The following ZNF804B variants were observed in gnomAD, a reference collection of about 807,000 sequenced individuals.
The protein encoded by ZNF804B is zinc finger 804B.
In ZNF804B, 80 loss-of-function variants were observed where a neutral mutation model predicts 101.4. The observed-to-expected ratio is 0.79, with a 90% CI of 0.66 to 0.95. The LOEUF (loss-of-function observed/expected upper bound fraction) is 0.95, where lower values mean the gene tolerates loss of function less well. ZNF804B is among the 40% of genes least tolerant of loss of function. The pLI, the probability that ZNF804B is intolerant of heterozygous loss-of-function variation, is 0.00. For synonymous variants in ZNF804B, 622 were observed against 558.8 expected, an observed-to-expected ratio of 1.11 and a Z score of -1.59; for missense variants, 1,673 against 1,561.9, an observed-to-expected ratio of 1.07 and a Z score of -1.20.
chr7:88,932,968 C>T (rs752877710), intron 1 of ZNF804B, among the ~76,000 whole-genome samples: 1 of 151,662 alleles, frequency 6.6e-6, no homozygotes, highest in Non-Finnish European at 1.5e-5. Context: ...CACCCTAATA[C>T]CAAAACCATG....
intron 1 of ZNF804B, among the ~76,000 whole-genome samples, chr7:88,839,558 G>T (rs1791266391): frequency 6.6e-6 from 1 of 151,886 alleles, no homozygotes; most frequent in Non-Finnish European, 1.5e-5. Context: ...TTAGCTTCAA[G>T]AAATTGAAAT....
chr7:89,066,538 A>T (rs1789457140), intron 1 of ZNF804B, among the ~76,000 whole-genome samples: 1 of 152,106 alleles, frequency 6.6e-6, no homozygotes, highest in Non-Finnish European at 1.5e-5. Context: ...GCCTGGCCAA[A>T]ATTATCCTTA....
chr7:89,231,873 C>G (rs1373024814), intron 2 of ZNF804B, among the ~76,000 whole-genome samples: 2 of 152,050 alleles, frequency 1.3e-5, no homozygotes, highest in African/African-American at 4.8e-5. Context: ...AACATGTCAT[C>G]TACAAATAAA....
chr7:88,820,890 G>A (rs1790967556), intron 1 of ZNF804B, among the ~76,000 whole-genome samples: 1 of 152,128 alleles, frequency 6.6e-6, no homozygotes, highest in Non-Finnish European at 1.5e-5. Flanking sequence ...GAAGGGAGGG[G>A]AGAAAAGACT....
chr7:88,808,610 A>G (rs899249923), intron 1 of ZNF804B, among the ~76,000 whole-genome samples: 2 of 152,152 alleles, frequency 1.3e-5, no homozygotes, highest in Non-Finnish European at 2.9e-5. Context: ...TGGATATACA[A>G]ATATTTGTCA....
At position 89,334,899 on chromosome 7, in the gene ZNF804B, G is replaced by T. The variant is rs775023872; in HGVS notation, c.1917G>T (p.Leu639Phe). The stretch of plus-strand genomic sequence containing the variant: ...TCTCTAGGTTTAAAAAGCATAAATT[G>T]ATTCCCTGCAGTCCTCATTTGGAAT... ...SYISRFKKHK[L>F]IPCSPHLEFE... The change falls in exon 4 of 4, where the codon TTG becomes TTT. Residue 639 changes from leucine (L) to phenylalanine (F), a missense_variant. Coordinates refer to ENST00000333190, the MANE Select transcript of ZNF804B (RefSeq NM_181646.5). 2 of 1,613,784 alleles carry T rather than the reference G, an allele frequency of 1.2e-6. No individual in the cohort carries two copies. Among genetic ancestry groups the T allele is most frequent in the Non-Finnish European group, 1.7e-6 (2 of 1,179,870 alleles).
intron 2 of ZNF804B, among the ~76,000 whole-genome samples, chr7:89,321,909 A>G (rs1230108683): frequency 6.6e-6 from 1 of 152,204 alleles, no homozygotes; most frequent in Non-Finnish European, 1.5e-5. Context: ...GACAGTACTA[A>G]TATCAGACAA....
At chr7:89,288,139 C>A (rs1178637142) in intron 2 of ZNF804B, among the ~76,000 whole-genome samples, 2 of 151,624 alleles carry the variant, frequency 1.3e-5, no homozygotes, top group Non-Finnish European at 2.9e-5. Context: ...TGAGTAAAAT[C>A]TATGTATGAA....
Position 89,335,892 on chromosome 7 carries a change from A to C in ZNF804B, c.2910A>C (p.Ser970=). 6.2e-7 allele frequency: 1 copy of C among 1,614,126 alleles called. No individual in the cohort carries two copies. Among genetic ancestry groups the C allele is most frequent in the Non-Finnish European group, 8.5e-7 (1 of 1,179,986 alleles). ...QVPCTIQLAP[S]GCNRQALPLS... is the part of the protein sequence containing the mutation. ...CATGCACAATTCAACTTGCACCATCAGGCTGTAACAGACAAGCATTGCCTT... is the reference window on the plus strand; with the variant it reads ...CATGCACAATTCAACTTGCACCATCCGGCTGTAACAGACAAGCATTGCCTT... The change falls in exon 4 of 4, where the codon TCA becomes TCC. Residue 970 remains serine (S), a synonymous_variant. Transcript: ENST00000333190.
chr7:89,288,429 C>G (rs942326330), intron 2 of ZNF804B, among the ~76,000 whole-genome samples: 8 of 152,010 alleles, frequency 5.3e-5, no homozygotes, highest in African/African-American at 1.9e-4. Flanking sequence ...ACCATCAAAA[C>G]AATAAATACA....
intron 1 of ZNF804B, among the ~76,000 whole-genome samples, chr7:88,855,829 C>T (rs1440221290): frequency 6.6e-6 from 1 of 152,164 alleles, no homozygotes; most frequent in Non-Finnish European, 1.5e-5. Flanking sequence ...ATATGGCTAG[C>T]CAGTTTTCCC....
chr7:88,968,892 G>C (rs576942748), intron 1 of ZNF804B, among the ~76,000 whole-genome samples: 1 of 151,420 alleles, frequency 6.6e-6, no homozygotes, highest in Non-Finnish European at 1.5e-5. Context: ...TCTTGGACAC[G>C]TATCTTTTCT....
intron 1 of ZNF804B, among the ~76,000 whole-genome samples, chr7:89,093,621 T>C (rs910780687): frequency 6.6e-6 from 1 of 152,242 alleles, no homozygotes; most frequent in African/African-American, 2.4e-5. Flanking sequence ...CATTGCCCTG[T>C]TTGTACGATT....
intron 1 of ZNF804B, among the ~76,000 whole-genome samples, chr7:89,115,661 T>C (rs79010799): frequency 0.018 from 2,790 of 152,314 alleles, 91 homozygotes; most frequent in African/African-American, 0.064. Context: ...TCTCTATGTA[T>C]ACTTCACCTT....
chr7:89,273,966 T>A, intron 2 of ZNF804B, among the ~76,000 whole-genome samples: 1 of 152,034 alleles, frequency 6.6e-6, no homozygotes, highest in African/African-American at 2.4e-5. Context: ...ACATTCTGCT[T>A]TTTCTGTTTC....
At chr7:89,017,245 A>G (rs895582977) in intron 1 of ZNF804B, among the ~76,000 whole-genome samples, 49 of 152,170 alleles carry the variant, frequency 3.2e-4, no homozygotes, top group Admixed American at 2.7e-3. Context: ...GGCTGAGACA[A>G]TGGGGTTTTC....
intron 1 of ZNF804B, among the ~76,000 whole-genome samples, chr7:88,934,739 G>A (rs374053926): frequency 7.2e-5 from 11 of 151,918 alleles, no homozygotes; most frequent in African/African-American, 1.7e-4. Flanking sequence ...GTAAAAAACC[G>A]ATAGATGTTG....
intron 1 of ZNF804B, among the ~76,000 whole-genome samples, chr7:88,953,125 G>T (rs1331727671): frequency 1.3e-5 from 2 of 151,608 alleles, no homozygotes; most frequent in Admixed American, 6.6e-5. Flanking sequence ...CTTTATGTTT[G>T]TTCTTCTCTT....
chr7:88,786,066 C>T (rs932586616), intron 1 of ZNF804B, among the ~76,000 whole-genome samples: 1 of 152,138 alleles, frequency 6.6e-6, no homozygotes, highest in African/African-American at 2.4e-5. Flanking sequence ...GATTGTACCC[C>T]TGCTGATGCT....
Sources: allele counts gnomAD v4.1 joint callset (sites outside exome capture counted in the v4.1 genomes callset), GRCh38; gene constraint gnomAD v4.1.1; transcripts MANE v1.5; gene names NCBI Gene and HGNC (gene_info 2026-07-23, HGNC 2026-07-21).